TCF7: variants seen among roughly 807,000 people sequenced by gnomAD.
TCF7 encodes the protein T-cell-factor-7.
In TCF7, 19 loss-of-function variants were observed where a neutral mutation model predicts 46.8. That is an observed-to-expected ratio of 0.41 (90% CI 0.28 to 0.60). The LOEUF (loss-of-function observed/expected upper bound fraction) is 0.60. Ranked by LOEUF, TCF7 falls within the 20% of genes least tolerant of loss-of-function variation. The probability of loss-of-function intolerance (pLI) is 0.35; values close to 1 mark genes in which losing one functional copy is unlikely to be tolerated. For synonymous variants in TCF7, 245 were observed against 213.4 expected, an observed-to-expected ratio of 1.15 and a Z score of -1.29; for missense variants, 547 against 504.6, an observed-to-expected ratio of 1.08 and a Z score of -0.81.
Position 134,114,886 on chromosome 5 carries a change from C to T in TCF7, c.-21C>T, listed in dbSNP as rs1487797261. Reference sequence around the variant, plus strand: ...CACTCCCGGCGCCCAGCGCCCCGCGCCCCGGCGGGCGGAGCGCACCATGCC... The same window carrying T: ...CACTCCCGGCGCCCAGCGCCCCGCGTCCCGGCGGGCGGAGCGCACCATGCC... On this transcript the variant is annotated 5_prime_UTR_variant, in exon 1 of 10. Coordinates refer to ENST00000342854, the MANE Select transcript of TCF7 (RefSeq NM_003202.5). 3.0e-6 allele frequency: 3 copies of T among 990,544 alleles called. No homozygotes were observed. Among genetic ancestry groups the T allele is most frequent in the Non-Finnish European group, 3.6e-6 (3 of 834,914 alleles). The allele number at this position is 990,544 out of a possible 1,614,324, so 61.4% of individuals were successfully genotyped here.
chr5:134,142,120 C>G (rs778966228), intron 5 of TCF7, 65 bp from the exon 6 acceptor site: 14 of 1,609,038 alleles, frequency 8.7e-6, no homozygotes, highest in Middle Eastern at 1.7e-4. Context: ...GCAGGGGCCT[C>G]TGTGTGTGTC....
At position 134,115,377 on chromosome 5, in the gene TCF7, C is replaced by G. The variant is rs750198488; in HGVS notation, c.306C>G (p.Pro102=). ...TCTTCCCGGACAAACTTCCAGAGCC[C>G]CTGGAGGACGGTGAGTTTCTGCCCG... is the stretch of plus-strand genomic sequence containing the variant. ...QRLFPDKLPE[P]LEDGLKAPEC... is the part of the protein sequence containing the mutation. Residue 102 remains proline (P), a synonymous_variant, in exon 2 of 10, where the codon CCC becomes CCG. Transcript: ENST00000342854. 6.2e-7 allele frequency: 1 copy of G among 1,602,262 alleles called. No homozygotes were observed.
At chr5:134,118,563 A>G (rs559959684) in intron 3 of TCF7, among the ~76,000 whole-genome samples, 4 of 152,238 alleles carry the variant, frequency 2.6e-5, no homozygotes, top group African/African-American at 9.6e-5. Flanking sequence ...AATAGGCTGA[A>G]TGACCACCCC....
intron 3 of TCF7, among the ~76,000 whole-genome samples, chr5:134,116,656 AGAAGGGACCAGTTTAATTAATTCGT>A (rs1413768051): frequency 6.6e-6 from 1 of 152,262 alleles, no homozygotes; most frequent in Admixed American, 6.5e-5. Flanking sequence ...AGTGATGTTG[AGAAGGGACCAGTTTAATTAATTCGT>A]GAATTAAATA....
At chr5:134,125,388 C>CCA (rs1302295123) in intron 3 of TCF7, among the ~76,000 whole-genome samples, 1 of 152,264 alleles carries the variant, frequency 6.6e-6, no homozygotes, top group Non-Finnish European at 1.5e-5. Flanking sequence ...GCACACCCAC[C>CCA]CACCACCAGG....
At chr5:134,115,700 G>A in intron 2 of TCF7, 2 of 1,430,586 alleles carry the variant, frequency 1.4e-6, no homozygotes, top group Non-Finnish European at 1.8e-6. Context: ...GGCGGGGGGT[G>A]GGAGGTCAAG....
At chr5:134,142,379 GCCA>G in intron 6 of TCF7, 75 bp downstream of exon 6, 1 of 1,224,214 alleles carries the variant, frequency 8.2e-7, no homozygotes, top group Non-Finnish European at 1.0e-6. Context: ...CCTGAGGACT[GCCA>G]CGAGGTCCCT....
rs1042641798 is a variant in TCF7, at chr5:134,131,691, C to A, written c.442-6368C>A. Among the ~76,000 whole-genome samples, 16 of 152,342 alleles carry A rather than the reference C, an allele frequency of 1.1e-4. No individual in the cohort carries two copies. In the East Asian group the frequency reaches 2.9e-3, roughly 28 times the overall value. On this transcript the variant is annotated intron_variant, in intron 3 of 9. Transcript: ENST00000342854. Reference sequence around the variant, plus strand: ...CAGACAGAGATGACTAACCAGCAGACCCTGCCATCCAGGACCCCCAGGCCA... The same window carrying A: ...CAGACAGAGATGACTAACCAGCAGAACCTGCCATCCAGGACCCCCAGGCCA...
In TCF7 at chr5:134,115,993, C is replaced by T. The variant is rs748686165; in HGVS notation, c.401C>T (p.Pro134Leu). 2 of 1,613,712 alleles carry T rather than the reference C, an allele frequency of 1.2e-6. No homozygotes were observed. The highest frequency in any genetic ancestry group is 1.7e-6 in the Non-Finnish European group (2 of 1,180,004). The stretch of plus-strand genomic sequence containing the variant: ...AATCTGCTCATGCATTACCCACCCC[C>T]CTCGGGAGCAGGGCAGCACCCCCAG... Reference protein sequence around the residue: ...AFNLLMHYPPPSGAGQHPQPQ... With the variant: ...AFNLLMHYPPLSGAGQHPQPQ... Residue 134 changes from proline (P) to leucine (L), a missense_variant, in exon 3 of 10, where the codon CCC (proline) becomes CTC (leucine). Physicochemically the swap from Pro to Leu is moderately conservative, Grantham distance 98 (BLOSUM62 -3). Coordinates refer to ENST00000342854, the MANE Select transcript of TCF7 (RefSeq NM_003202.5).
intron 3 of TCF7, among the ~76,000 whole-genome samples, chr5:134,121,857 T>G (rs1756639754): frequency 6.6e-6 from 1 of 151,632 alleles, no homozygotes; most frequent in Non-Finnish European, 1.5e-5. Flanking sequence ...GCAGGAAGAG[T>G]CGAGGCGTTT....
At position 134,146,452 on chromosome 5, in the gene TCF7, A is replaced by C; in HGVS notation, c.*149A>C. ...TCAGCCTCCCAACCCCAGGGCCCCCACAGGCCCCCCGCAGCACCCTGCAGA... is the reference window on the plus strand; with the variant it reads ...TCAGCCTCCCAACCCCAGGGCCCCCCCAGGCCCCCCGCAGCACCCTGCAGA... On this transcript the variant is annotated 3_prime_UTR_variant, in exon 10 of 10. Coordinates refer to ENST00000342854, the MANE Select transcript of TCF7 (RefSeq NM_003202.5). The C allele has an allele frequency of 2.2e-6, 2 of 905,620 alleles. No homozygotes were observed. The highest frequency in any genetic ancestry group is 3.7e-6 in the Non-Finnish European group (2 of 545,910). The allele number at this position is 905,620 out of a possible 1,614,324, so 56.1% of individuals were successfully genotyped here.
At position 134,121,441 on chromosome 5, in the gene TCF7, G is replaced by A. The variant is rs143976576; in HGVS notation, c.441+5408G>A. 3.6e-3 allele frequency among the ~76,000 whole-genome samples: 552 copies of A among 152,090 alleles called. 2 individuals are homozygous for A. The highest frequency in any genetic ancestry group is 0.012 in the African/African-American group (504 of 41,482). On this transcript the variant is annotated intron_variant, in intron 3 of 9. Transcript: ENST00000342854. ...TCTACTAAAAATACAAAAATTAGCC[G>A]GGCATGGTGGCACACGCCTGTAATC...
intron 3 of TCF7, among the ~76,000 whole-genome samples, chr5:134,131,606 G>T (rs1758135971): frequency 6.6e-6 from 1 of 152,182 alleles, no homozygotes; most frequent in South Asian, 2.1e-4. Context: ...GCATGCACAG[G>T]TTCTGGAGGC....
At chr5:134,116,387 G>A (rs893025425) in intron 3 of TCF7, among the ~76,000 whole-genome samples, 2 of 152,254 alleles carry the variant, frequency 1.3e-5, no homozygotes, top group Non-Finnish European at 2.9e-5. Context: ...TGAGCTCAGA[G>A]CTTTGCAATT....
rs78882156 is a variant in TCF7 at position 134,148,048 on chromosome 5, T to G, written c.*1745T>G. 0.031 allele frequency: 4,637 copies of G among 151,856 alleles called. 112 individuals are homozygous for G. Among genetic ancestry groups the G allele is most frequent in the Non-Finnish European group, 0.047 (3,219 of 67,930 alleles). The allele number at this position is 151,856 out of a possible 1,614,324, so 9.4% of individuals were successfully genotyped here. A position where few individuals can be genotyped will look rare whatever the true frequency, so the allele number is the denominator to read the frequency against. Reference sequence around the variant, plus strand: ...CTCAAAAAAAGCCTTTAGTTCCTACTTTAGCCACTGGTTTCTCAGAATCCA... The same window carrying G: ...CTCAAAAAAAGCCTTTAGTTCCTACGTTAGCCACTGGTTTCTCAGAATCCA... On this transcript the variant is annotated 3_prime_UTR_variant, in exon 10 of 10. Coordinates refer to ENST00000342854, the MANE Select transcript of TCF7 (RefSeq NM_003202.5).
intron 3 of TCF7, chr5:134,137,750 C>G (rs1032311432): frequency 4.1e-6 from 1 of 245,842 alleles, no homozygotes; most frequent in African/African-American, 2.2e-5. Context: ...TATAAGCAAC[C>G]TCCCAGACAA....
At chr5:134,120,547 A>G (rs1756428916) in intron 3 of TCF7, among the ~76,000 whole-genome samples, 1 of 152,110 alleles carries the variant, frequency 6.6e-6, no homozygotes, top group Admixed American at 6.5e-5. Context: ...TCTTACAGCC[A>G]GCAACTTCTT....
At chr5:134,144,115 T>C (rs1760303637) in intron 9 of TCF7, 1 of 171,840 alleles carries the variant, frequency 5.8e-6, no homozygotes, top group Non-Finnish European at 1.3e-5. Context: ...CAGTGCAAAG[T>C]GCTCTATGTA....
At chr5:134,132,697 C>T (rs1415813968) in intron 3 of TCF7, among the ~76,000 whole-genome samples, 2 of 151,068 alleles carry the variant, frequency 1.3e-5, no homozygotes, top group East Asian at 1.9e-4. Context: ...AGGGAAAATG[C>T]CGACTGTGTT....
Sources: allele counts gnomAD v4.1 joint callset (sites outside exome capture counted in the v4.1 genomes callset), GRCh38; gene constraint gnomAD v4.1.1; transcripts MANE v1.5; gene names NCBI Gene and HGNC (gene_info 2026-07-23, HGNC 2026-07-21).